The following SCRN3 variants were observed in gnomAD, a reference collection of about 807,000 sequenced individuals.
SCRN3 encodes the protein secernin 3.
In SCRN3, 39 loss-of-function variants were observed where a neutral mutation model predicts 43.1. That is an observed-to-expected ratio of 0.91 (90% confidence interval 0.70 to 1.18). The LOEUF (loss-of-function observed/expected upper bound fraction) is 1.18, where lower values mean the gene tolerates loss of function less well. SCRN3 is among the 50% of genes most tolerant of loss of function. SCRN3 has a pLI of 0.00. For missense variants in SCRN3, 484 were observed against 498.0 expected, an observed-to-expected ratio of 0.97 and a Z score of 0.27; for synonymous variants, 147 against 163.1, an observed-to-expected ratio of 0.90 and a Z score of 0.75.
chr2:174,424,559 A>C lies in SCRN3; in HGVS notation c.1002A>C (p.Leu334=). The change falls in exon 7 of 8, where the codon CTA becomes CTC. Residue 334 remains leucine (L), a synonymous_variant. Transcript: ENST00000272732. ...CACCAACATTTGAACTTGAAGATCT[A>C]GTTAAAAAGAAATCACATTTTAAGC... ...TSSPTFELED[L]VKKKSHFKPD... is the part of the protein sequence containing the mutation. 1 of 1,613,308 alleles carries C rather than the reference A, an allele frequency of 6.2e-7. No homozygotes were observed. Among genetic ancestry groups the C allele is most frequent in the Non-Finnish European group, 8.5e-7 (1 of 1,179,380 alleles).
intron 5 of SCRN3, among the ~76,000 whole-genome samples, chr2:174,405,961 G>A (rs1217062065): frequency 2.1e-5 from 3 of 139,588 alleles, no homozygotes; most frequent in East Asian, 4.2e-4. Context: ...GGTTCCATAT[G>A]AACTTTAAAG....
At chr2:174,416,480 A>G (rs1046767275) in intron 5 of SCRN3, among the ~76,000 whole-genome samples, 2 of 152,178 alleles carry the variant, frequency 1.3e-5, no homozygotes, top group Admixed American at 1.3e-4. Context: ...AGAAGAATCA[A>G]CTACTCTGAG....
At chr2:174,397,803 G>A (rs910645458) in intron 1 of SCRN3, among the ~76,000 whole-genome samples, 4 of 152,140 alleles carry the variant, frequency 2.6e-5, no homozygotes, top group African/African-American at 4.8e-5. Flanking sequence ...ATGGTGAAAC[G>A]AAATTCAGGG....
At chr2:174,399,523 A>G (rs1685431726) in intron 2 of SCRN3, among the ~76,000 whole-genome samples, 1 of 152,234 alleles carries the variant, frequency 6.6e-6, no homozygotes, top group African/African-American at 2.4e-5. Flanking sequence ...GTTTCAAGAT[A>G]TTACAGCTAG....
At chr2:174,397,515 A>G in intron 1 of SCRN3, 1 of 446,728 alleles carries the variant, frequency 2.2e-6, no homozygotes, top group Non-Finnish European at 3.0e-6. Flanking sequence ...GTCTGAATCA[A>G]TGAGTCTGTT....
chr2:174,425,781 A>G (rs995184514), intron 7 of SCRN3, among the ~76,000 whole-genome samples: 36 of 152,164 alleles, frequency 2.4e-4, no homozygotes, highest in South Asian at 8.3e-4. Context: ...ATGGAATTTG[A>G]GGGAAGAAGA....
intron 5 of SCRN3, among the ~76,000 whole-genome samples, chr2:174,404,548 T>C (rs1373699604): frequency 6.9e-6 from 1 of 145,750 alleles, no homozygotes; most frequent in East Asian, 2.0e-4. Flanking sequence ...GCTGGTGCAC[T>C]GCACCCACTA....
intron 1 of SCRN3, 34 bp from the exon 2 acceptor site, chr2:174,398,241 T>C: frequency 7.4e-7 from 1 of 1,351,348 alleles, no homozygotes; most frequent in Non-Finnish European, 1.0e-6. Context: ...TTAAAAGTGT[T>C]CTTTTTATTT....
At chr2:174,416,630 C>T (rs1686120617) in intron 5 of SCRN3, among the ~76,000 whole-genome samples, 1 of 152,174 alleles carries the variant, frequency 6.6e-6, no homozygotes, top group South Asian at 2.1e-4. Context: ...TAGGAGTAGT[C>T]TTAGGAGGTG....
intron 3 of SCRN3, among the ~76,000 whole-genome samples, chr2:174,400,439 A>G (rs547903501): frequency 6.6e-4 from 100 of 152,140 alleles, no homozygotes; most frequent in African/African-American, 2.3e-3. Context: ...GGCACGTGCC[A>G]CCACACCTGG....
intron 2 of SCRN3, among the ~76,000 whole-genome samples, chr2:174,398,684 G>C (rs1330130537): frequency 6.6e-6 from 1 of 152,200 alleles, no homozygotes; most frequent in Non-Finnish European, 1.5e-5. Context: ...ATGCAAGCAT[G>C]TTAGATAGGG....
intron 5 of SCRN3, among the ~76,000 whole-genome samples, chr2:174,411,898 G>A (rs906502407): frequency 4.6e-5 from 7 of 152,148 alleles, no homozygotes; most frequent in Non-Finnish European, 8.8e-5. Context: ...TCCAGCCTGG[G>A]TGTCAGAGCC....
chr2:174,419,564 T>TA (rs1012258859), intron 5 of SCRN3, among the ~76,000 whole-genome samples: 4 of 151,932 alleles, frequency 2.6e-5, no homozygotes, highest in Non-Finnish European at 4.4e-5. Flanking sequence ...TTTTTGGTAA[T>TA]AGACGGCGGA....
rs923782960 is a variant in SCRN3 at position 174,417,180 on chromosome 2, G to A, written c.755-5705G>A. On this transcript the variant is annotated intron_variant, in intron 5 of 7. Transcript: ENST00000272732. ...GAAAAATAGCTAATGCATGTGGGGC[G>A]TAATACCTAGGTGATGGGTTGATAG... Among the ~76,000 whole-genome samples, 26 of 152,172 alleles carry A rather than the reference G, an allele frequency of 1.7e-4. No homozygotes were observed. The East Asian group carries it at 1.7e-3, about 10-fold the overall frequency.
chr2:174,403,895 T>C (rs1409646184), intron 4 of SCRN3, among the ~76,000 whole-genome samples: 9 of 152,214 alleles, frequency 5.9e-5, no homozygotes, highest in Non-Finnish European at 1.2e-4. Flanking sequence ...TTTTTATAAC[T>C]GCATGTGAAT....
chr2:174,400,470 A>C (rs905134890), intron 3 of SCRN3, among the ~76,000 whole-genome samples: 1 of 151,136 alleles, frequency 6.6e-6, no homozygotes, highest in Non-Finnish European at 1.5e-5. Flanking sequence ...ATTAAAAAAA[A>C]TTTTTTTTTC....
intron 5 of SCRN3, among the ~76,000 whole-genome samples, chr2:174,419,119 G>A (rs1686207436): frequency 1.3e-5 from 2 of 152,122 alleles, no homozygotes; most frequent in African/African-American, 2.4e-5. Flanking sequence ...CTTGCTGTGA[G>A]CTTTTTCTTT....
At chr2:174,423,192 G>A in intron 6 of SCRN3, 145 bp downstream of exon 6, 2 of 574,416 alleles carry the variant, frequency 3.5e-6, no homozygotes, top group Non-Finnish European at 5.8e-6. Context: ...GCTTTAATCT[G>A]CAATATCCAC....
intron 1 of SCRN3, chr2:174,396,084 A>G: frequency 8.7e-7 from 1 of 1,152,992 alleles, no homozygotes; most frequent in Non-Finnish European, 1.1e-6. Flanking sequence ...TATGAAGATA[A>G]TAATTCCGGC....
Sources: gnomAD v4.1 joint callset for allele counts (sites outside exome capture counted in the v4.1 genomes callset) on GRCh38, gnomAD v4.1.1 for gene constraint, MANE v1.5 for transcripts, NCBI Gene and HGNC (gene_info 2026-07-23, HGNC 2026-07-21) for gene names.